Variants in DISP1 observed in about 807,000 individuals in gnomAD.
DISP1 encodes the protein dispatched RND transporter family member 1.
DISP1 carries 30 observed loss-of-function variants against 37.3 expected under a neutral mutation model. The observed-to-expected ratio is 0.80, with a 90% CI of 0.60 to 1.09. The LOEUF is 1.09. Ranked by LOEUF, DISP1 falls within the 50% of genes least tolerant of loss-of-function variation. The pLI is 0.00. For synonymous variants in DISP1, 634 were observed against 690.2 expected, an observed-to-expected ratio of 0.92 and a Z score of 1.28; for missense variants, 1,598 against 1,879.5, an observed-to-expected ratio of 0.85 and a Z score of 2.77.
chr1:222,821,878 CAA>C (rs35160286), intron 1 of DISP1, among the ~76,000 whole-genome samples: 342 of 73,570 alleles, frequency 4.6e-3, no homozygotes, highest in Middle Eastern at 7.8e-3. Flanking sequence ...GACTCCATCT[CAA>C]AAAAAAAAAA....
chr1:222,964,615 C>T (rs1204173384), intron 3 of DISP1, among the ~76,000 whole-genome samples: 1 of 152,094 alleles, frequency 6.6e-6, no homozygotes, highest in Non-Finnish European at 1.5e-5. Flanking sequence ...TCATAGGCTG[C>T]CCTGGTCATT....
chr1:222,934,615 A>G (rs372488904), intron 2 of DISP1, among the ~76,000 whole-genome samples: 1 of 152,162 alleles, frequency 6.6e-6, no homozygotes, highest in South Asian at 2.1e-4. Flanking sequence ...AGTTTGGTAA[A>G]TAATGGATAC....
At chr1:222,974,514 C>A (rs964371420) in intron 3 of DISP1, among the ~76,000 whole-genome samples, 1 of 152,012 alleles carries the variant, frequency 6.6e-6, no homozygotes, top group African/African-American at 2.4e-5. Flanking sequence ...AATGTTAGTC[C>A]CGCCATTCCC....
intron 1 of DISP1, among the ~76,000 whole-genome samples, chr1:222,853,122 G>T (rs974385050): frequency 6.6e-6 from 1 of 152,044 alleles, no homozygotes; most frequent in African/African-American, 2.4e-5. Context: ...CTGTTAATTT[G>T]TTTTCTGTGT....
chr1:222,977,361 T>TTC (rs1553253774), intron 3 of DISP1, among the ~76,000 whole-genome samples: 2 of 150,300 alleles, frequency 1.3e-5, no homozygotes, highest in Non-Finnish European at 3.0e-5. Context: ...TTTTTTTTTT[T>TTC]CAAAGAGGGC....
At chr1:222,905,992 C>T (rs1433143346) in intron 1 of DISP1, among the ~76,000 whole-genome samples, 4 of 152,122 alleles carry the variant, frequency 2.6e-5, no homozygotes, top group African/African-American at 7.2e-5. Flanking sequence ...TTCATCTATT[C>T]GTCTAACTTT....
chr1:222,918,672 T>C (rs2789960), intron 1 of DISP1, among the ~76,000 whole-genome samples: 87,299 of 152,098 alleles, frequency 0.57, 25,297 homozygotes, highest in South Asian at 0.71. Flanking sequence ...GAGCAAGAGA[T>C]GGGTCTCTCA....
chr1:222,837,310 T>C (rs1001663163), intron 1 of DISP1: 109 of 381,656 alleles, frequency 2.9e-4, no homozygotes, highest in Non-Finnish European at 2.4e-4. Flanking sequence ...GGAGCAGAGC[T>C]GTCTCTCCAC....
At chr1:222,982,700 G>A (rs138840794) in intron 3 of DISP1, among the ~76,000 whole-genome samples, 7 of 152,310 alleles carry the variant, frequency 4.6e-5, no homozygotes, top group Admixed American at 3.9e-4. Context: ...TCTTTGCTAC[G>A]TAAGGAAGCA....
chr1:222,820,874 A>G (rs61838115), intron 1 of DISP1, among the ~76,000 whole-genome samples: 18,359 of 152,234 alleles, frequency 0.12, 1,480 homozygotes, highest in South Asian at 0.18. Flanking sequence ...GGGTGTTACT[A>G]GAAGACATCA....
chr1:222,955,754 G>A (rs1466755486), intron 3 of DISP1, among the ~76,000 whole-genome samples: 2 of 152,182 alleles, frequency 1.3e-5, no homozygotes, highest in Non-Finnish European at 2.9e-5. Flanking sequence ...GTAAGTAACT[G>A]TAAAGGAGTC....
intron 3 of DISP1, among the ~76,000 whole-genome samples, chr1:222,963,291 G>A (rs1676198741): frequency 6.6e-6 from 1 of 152,212 alleles, no homozygotes; most frequent in African/African-American, 2.4e-5. Context: ...TGGCGAGGCT[G>A]TGGAGAAGTA....
intron 1 of DISP1, among the ~76,000 whole-genome samples, chr1:222,904,531 C>T (rs1671788138): frequency 6.6e-6 from 1 of 150,802 alleles, no homozygotes; most frequent in African/African-American, 2.4e-5. Context: ...AGTAATTTAT[C>T]TTTAGTTTAT....
intron 1 of DISP1, among the ~76,000 whole-genome samples, chr1:222,908,359 A>G (rs1672026064): frequency 6.6e-6 from 1 of 152,162 alleles, no homozygotes; most frequent in Non-Finnish European, 1.5e-5. Flanking sequence ...ATGTAAAAAA[A>G]ATTTTTAAAA....
At chr1:222,816,568 C>T (rs981000027) in intron 1 of DISP1, among the ~76,000 whole-genome samples, 5 of 152,200 alleles carry the variant, frequency 3.3e-5, no homozygotes, top group Non-Finnish European at 7.3e-5. Context: ...CTGACTTGAA[C>T]TAATTCAGGA....
At chr1:222,823,671 A>T (rs887760938) in intron 1 of DISP1, among the ~76,000 whole-genome samples, 1 of 152,200 alleles carries the variant, frequency 6.6e-6, no homozygotes, top group Non-Finnish European at 1.5e-5. Flanking sequence ...TTATGCAAAT[A>T]AATAAAAATA....
intron 3 of DISP1, among the ~76,000 whole-genome samples, chr1:222,971,225 A>G (rs532997173): frequency 2.2e-4 from 33 of 152,124 alleles, no homozygotes; most frequent in Non-Finnish European, 4.1e-4. Flanking sequence ...AGAAAAATCA[A>G]TTTCACTGTA....
intron 2 of DISP1, among the ~76,000 whole-genome samples, chr1:222,931,834 C>T (rs1673420891): frequency 1.3e-5 from 2 of 151,730 alleles, no homozygotes; most frequent in African/African-American, 2.4e-5. Context: ...TTAGCTACTT[C>T]CCAAATTTTC....
chr1:222,894,197 C>T (rs1410684294), intron 1 of DISP1, among the ~76,000 whole-genome samples: 1 of 152,224 alleles, frequency 6.6e-6, no homozygotes, highest in Non-Finnish European at 1.5e-5. Context: ...CTAGAACTGA[C>T]AGCCCGGTCC....
Sources: gnomAD v4.1 joint callset for allele counts (sites outside exome capture counted in the v4.1 genomes callset) on GRCh38, gnomAD v4.1.1 for gene constraint, MANE v1.5 for transcripts, NCBI Gene and HGNC (gene_info 2026-07-23, HGNC 2026-07-21) for gene names.